The following SLC4A4 variants were observed in gnomAD, a reference collection of about 807,000 sequenced individuals.
SLC4A4 encodes solute carrier family 4 member 4.
SLC4A4 carries 27 observed loss-of-function variants against 111.5 expected under a neutral mutation model. The observed-to-expected ratio is 0.24, with a 90% confidence interval of 0.18 to 0.33. SLC4A4 has a LOEUF of 0.33. Among genes scored for constraint, SLC4A4 ranks in the 10% least tolerant of loss-of-function variants. The pLI, the probability that SLC4A4 is intolerant of heterozygous loss-of-function variation, is 1.00. For missense variants in SLC4A4, 909 were observed against 1,315.5 expected (o/e 0.69, Z 4.78); for synonymous variants, 443 against 463.4 (o/e 0.96, Z 0.57).
intron 2 of SLC4A4, among the ~76,000 whole-genome samples, chr4:71,124,970 T>C (rs967698074): frequency 6.6e-5 from 10 of 152,258 alleles, no homozygotes; most frequent in African/African-American, 2.4e-4. Context: ...TCTTTCAGAC[T>C]GTATGTCAGA....
chr4:71,152,953 A>ATG (rs1194602535), intron 2 of SLC4A4, among the ~76,000 whole-genome samples: 6 of 146,588 alleles, frequency 4.1e-5, no homozygotes, highest in East Asian at 3.9e-4. Flanking sequence ...TCCTATATAT[A>ATG]TGTGTGTGTG....
At chr4:71,276,549 T>C (rs991932993) in intron 3 of SLC4A4, among the ~76,000 whole-genome samples, 1 of 152,108 alleles carries the variant, frequency 6.6e-6, no homozygotes, top group Admixed American at 6.5e-5. Flanking sequence ...TGAAATCATA[T>C]GGTATGTGAA....
intron 2 of SLC4A4, among the ~76,000 whole-genome samples, chr4:71,130,593 G>A (rs1220793392): frequency 6.6e-6 from 1 of 152,064 alleles, no homozygotes; most frequent in Admixed American, 6.6e-5. Context: ...AGCACTTAGT[G>A]ATATCATACT....
chr4:71,289,569 A>G (rs373664811), intron 3 of SLC4A4, among the ~76,000 whole-genome samples: 1 of 152,232 alleles, frequency 6.6e-6, no homozygotes, highest in East Asian at 1.9e-4. Context: ...GCAAAGTAAC[A>G]TATCAATAAG....
intron 16 of SLC4A4, among the ~76,000 whole-genome samples, chr4:71,522,116 C>T (rs1214324283): frequency 6.6e-6 from 1 of 152,192 alleles, no homozygotes; most frequent in Non-Finnish European, 1.5e-5. Context: ...GGGTCAAATA[C>T]CAGTACTCCA....
At chr4:71,082,998 C>T (rs1416881624) in intron 1 of SLC4A4, among the ~76,000 whole-genome samples, 9 of 151,924 alleles carry the variant, frequency 5.9e-5, no homozygotes, top group African/African-American at 1.2e-4. Flanking sequence ...GGATTACAGG[C>T]GCATGCCACC....
At position 71,534,600 on chromosome 4, in the gene SLC4A4, G is replaced by A. The variant is rs992278203; in HGVS notation, c.2442+212G>A. 3.3e-5 allele frequency among the ~76,000 whole-genome samples: 5 copies of A among 150,920 alleles called. No individual in the cohort carries two copies. The South Asian group carries it at 8.4e-4, about 25-fold the overall frequency. On this transcript the variant is annotated intron_variant, in intron 18 of 25. Transcript: ENST00000264485. ...CATTTAAATCTGAAAAAAAAAAAAG[G>A]TTTCAAATCATATTTCTTTCACCAG...
At chr4:71,199,774 C>T (rs564466404) in intron 1 of SLC4A4, among the ~76,000 whole-genome samples, 1 of 152,270 alleles carries the variant, frequency 6.6e-6, no homozygotes, top group Admixed American at 6.5e-5. Flanking sequence ...CTTCAGCCTC[C>T]TGAGTAGCTG....
intron 1 of SLC4A4, among the ~76,000 whole-genome samples, chr4:71,082,199 T>C (rs561656958): frequency 1.3e-5 from 2 of 152,206 alleles, no homozygotes; most frequent in Admixed American, 1.3e-4. Flanking sequence ...TTCTGTACTA[T>C]AGGGATGAAG....
intron 3 of SLC4A4, among the ~76,000 whole-genome samples, chr4:71,337,488 C>T (rs1421026678): frequency 6.6e-6 from 1 of 151,898 alleles, no homozygotes; most frequent in African/African-American, 2.4e-5. Flanking sequence ...TTTATTTAAC[C>T]AATCTTCCTT....
At chr4:71,228,835 T>G (rs1342228834) in intron 1 of SLC4A4, among the ~76,000 whole-genome samples, 5 of 152,214 alleles carry the variant, frequency 3.3e-5, no homozygotes, top group Non-Finnish European at 7.3e-5. Flanking sequence ...GGTTAACATT[T>G]TACAAAGAGG....
intron 3 of SLC4A4, chr4:71,338,955 G>T: frequency 1.2e-6 from 1 of 851,410 alleles, no homozygotes; most frequent in Non-Finnish European, 1.6e-6. Context: ...GGGATCTCAG[G>T]ATTGGGGTAC....
intron 7 of SLC4A4, among the ~76,000 whole-genome samples, chr4:71,409,481 G>C (rs1222912123): frequency 6.6e-6 from 1 of 152,220 alleles, no homozygotes; most frequent in Non-Finnish European, 1.5e-5. Flanking sequence ...CTGCCCTAGA[G>C]ATACGTGAAA....
At chr4:71,244,606 T>C (rs2149047206) in intron 2 of SLC4A4, among the ~76,000 whole-genome samples, 1 of 152,260 alleles carries the variant, frequency 6.6e-6, no homozygotes, top group Non-Finnish European at 1.5e-5. Context: ...TGCAGGTAAT[T>C]GTTGTATGTA....
intron 14 of SLC4A4, among the ~76,000 whole-genome samples, chr4:71,486,609 C>A (rs912808256): frequency 1.3e-5 from 2 of 151,340 alleles, no homozygotes; most frequent in African/African-American, 4.8e-5. Context: ...CAATTATGAA[C>A]AGCCCTTGTT....
At chr4:71,309,418 A>C (rs940679946) in intron 3 of SLC4A4, among the ~76,000 whole-genome samples, 4 of 152,158 alleles carry the variant, frequency 2.6e-5, no homozygotes, top group African/African-American at 9.7e-5. Flanking sequence ...CCTGACCTGC[A>C]TGCCTCCTGA....
intron 6 of SLC4A4, among the ~76,000 whole-genome samples, chr4:71,377,196 A>G (rs1578957362): frequency 6.6e-6 from 1 of 152,360 alleles, no homozygotes; most frequent in African/African-American, 2.4e-5. Context: ...GTGTTCTGAG[A>G]CCAAAAAGTT....
At chr4:71,135,212 G>T (rs867534704) in intron 2 of SLC4A4, among the ~76,000 whole-genome samples, 1 of 151,662 alleles carries the variant, frequency 6.6e-6, no homozygotes, top group African/African-American at 2.4e-5. Flanking sequence ...GTTTTGAACT[G>T]TATATAGTGG....
chr4:71,542,419 C>T (rs1295797859), intron 18 of SLC4A4, among the ~76,000 whole-genome samples: 1 of 152,074 alleles, frequency 6.6e-6, no homozygotes, highest in African/African-American at 2.4e-5. Flanking sequence ...CTGATTATAT[C>T]ACTTGCCTGC....
Sources: gnomAD v4.1 joint callset for allele counts (sites outside exome capture counted in the v4.1 genomes callset) on GRCh38, gnomAD v4.1.1 for gene constraint, MANE v1.5 for transcripts, NCBI Gene and HGNC (gene_info 2026-07-23, HGNC 2026-07-21) for gene names.